Variants in TRPM3 observed in about 807,000 individuals in gnomAD.
The protein encoded by TRPM3 is long transient receptor potential channel 3.
Under a neutral mutation model 181.2 loss-of-function variants are expected in TRPM3, and 77 were observed. The observed-to-expected ratio is 0.42, with a 90% confidence interval of 0.35 to 0.51. The LOEUF is 0.51. TRPM3 is among the 20% of genes least tolerant of loss of function. TRPM3 has a pLI of 0.01. For synonymous variants in TRPM3, 745 were observed against 796.4 expected, an observed-to-expected ratio of 0.94 and a Z score of 1.09; for missense variants, 1,759 against 2,196.7, an observed-to-expected ratio of 0.80 and a Z score of 3.98.
chr9:70,562,853 C>G (rs2049477956), intron 22 of TRPM3, among the ~76,000 whole-genome samples: 1 of 152,124 alleles, frequency 6.6e-6, no homozygotes, highest in Non-Finnish European at 1.5e-5. Flanking sequence ...TATATCTAAA[C>G]TAGCCTATTG....
At chr9:70,857,439 C>A (rs577383975) in intron 3 of TRPM3, among the ~76,000 whole-genome samples, 1 of 152,128 alleles carries the variant, frequency 6.6e-6, no homozygotes, top group African/African-American at 2.4e-5. Flanking sequence ...TGTAAGTTTA[C>A]GAAGACCCCT....
At position 70,598,621 on chromosome 9, in the gene TRPM3, A is replaced by T. The variant is rs761976779; in HGVS notation, c.2846T>A (p.Leu949Gln). The T allele has an allele frequency of 6.2e-7, 1 of 1,614,226 alleles. No homozygotes were observed. The highest frequency in any genetic ancestry group is 1.7e-5 in the Admixed American group (1 of 60,030). ...GTCCGTGACATTCCAGTACTCCTGC[A>T]GCCATACCTTCACTTTCTGTAGCAA... Reference protein sequence around the residue: ...GKLLQKVKVWLQEYWNVTDLI... With the variant: ...GKLLQKVKVWQQEYWNVTDLI... The change falls in exon 21 of 26, where the codon CTG (leucine) becomes CAG (glutamine). Residue 949 changes from leucine to glutamine, a missense_variant. Around this residue, in one of 8 missense-constraint regions of TRPM3, gnomAD observed 100 missense variants for 123.0 expected, o/e 0.81. Coordinates refer to ENST00000677713, the MANE Select transcript of TRPM3 (RefSeq NM_001366145.2).
At chr9:71,157,083 C>G (rs2076042458) in intron 1 of TRPM3, among the ~76,000 whole-genome samples, 1 of 152,096 alleles carries the variant, frequency 6.6e-6, no homozygotes, top group Non-Finnish European at 1.5e-5. Context: ...AACGGCTTCC[C>G]TGACTGTAAT....
intron 1 of TRPM3, among the ~76,000 whole-genome samples, chr9:71,148,929 G>A (rs937447850): frequency 5.3e-5 from 8 of 152,102 alleles, no homozygotes; most frequent in Non-Finnish European, 1.0e-4. Context: ...GAAAGTGATG[G>A]TAGTGACTGT....
chr9:71,263,865 A>C (rs564194134), intron 1 of TRPM3, among the ~76,000 whole-genome samples: 3 of 152,236 alleles, frequency 2.0e-5, no homozygotes, highest in African/African-American at 7.2e-5. Context: ...CTGCAGCCTG[A>C]AACTCCCAGG....
intron 1 of TRPM3, among the ~76,000 whole-genome samples, chr9:71,141,546 A>G (rs2075099309): frequency 1.3e-5 from 2 of 152,068 alleles, no homozygotes; most frequent in African/African-American, 2.4e-5. Flanking sequence ...TCCTTTGTCT[A>G]TGTATTATTT....
intron 6 of TRPM3, among the ~76,000 whole-genome samples, chr9:70,793,036 T>C (rs2085913974): frequency 6.6e-6 from 1 of 152,208 alleles, no homozygotes; most frequent in South Asian, 2.1e-4. Context: ...CACAAAATAT[T>C]ATTCTTTTAT....
intron 1 of TRPM3, among the ~76,000 whole-genome samples, chr9:71,348,637 T>C (rs1429053884): frequency 6.6e-6 from 1 of 151,950 alleles, no homozygotes; most frequent in Non-Finnish European, 1.5e-5. Flanking sequence ...TGTCGCAATC[T>C]CCGCTCACTG....
chr9:70,589,886 A>G (rs1293320747), intron 22 of TRPM3, among the ~76,000 whole-genome samples: 2 of 151,922 alleles, frequency 1.3e-5, no homozygotes, highest in Non-Finnish European at 2.9e-5. Context: ...GAGGACTCAC[A>G]CTCTTTGCTG....
In TRPM3 at chr9:70,536,433, T is replaced by G. The variant is rs1300624571; in HGVS notation, c.4680A>C (p.Thr1560=). Residue 1560 remains threonine, a synonymous_variant, in exon 26 of 26, where the codon ACA becomes ACC. Coordinates refer to ENST00000677713, the MANE Select transcript of TRPM3 (RefSeq NM_001366145.2). ...PVKTAEYTSI[T]DCIDTRCVNA... is the part of the protein sequence containing the mutation. ...TGACACACCTTGTGTCAATACAGTC[T>G]GTAATACTTGTGTATTCTGCTGTTT... The G allele has an allele frequency of 2.5e-6, 4 of 1,614,116 alleles. No homozygotes were observed. The highest frequency in any genetic ancestry group is 3.4e-6 in the Non-Finnish European group (4 of 1,180,046).
chr9:71,317,758 A>C (rs1264347764), intron 1 of TRPM3, among the ~76,000 whole-genome samples: 2 of 152,316 alleles, frequency 1.3e-5, no homozygotes, highest in Middle Eastern at 3.4e-3. Context: ...TTACATTTTT[A>C]AACTACTATT....
intron 1 of TRPM3, among the ~76,000 whole-genome samples, chr9:70,985,176 A>G (rs569244998): frequency 6.6e-6 from 1 of 152,228 alleles, no homozygotes; most frequent in Non-Finnish European, 1.5e-5. Context: ...CCAATATTAC[A>G]CAGTCCTTAA....
intron 1 of TRPM3, among the ~76,000 whole-genome samples, chr9:71,294,440 A>G (rs944620198): frequency 6.6e-6 from 1 of 152,126 alleles, no homozygotes; most frequent in African/African-American, 2.4e-5. Flanking sequence ...CACCTGCCAG[A>G]CTGGCAAAAT....
Position 71,003,120 on chromosome 9 carries a change from A to G in TRPM3, c.177+118058T>C, listed in dbSNP as rs190832910. Among the ~76,000 whole-genome samples, 27 of 151,660 alleles carry G rather than the reference A, an allele frequency of 1.8e-4. 1 individual carries two copies. In the East Asian group the frequency reaches 5.2e-3, roughly 29 times the overall value. ...GGGTCTTCGTTTCAGGTAGTTTTGTACAATCTTACTTGTCTGATTGTTGCT... is the reference window on the plus strand; with the variant it reads ...GGGTCTTCGTTTCAGGTAGTTTTGTGCAATCTTACTTGTCTGATTGTTGCT... On this transcript the variant is annotated intron_variant, in intron 1 of 25. Transcript: ENST00000677713.
Position 70,625,569 on chromosome 9 carries a change from A to G in TRPM3, c.1633-52T>C. The stretch of plus-strand genomic sequence containing the variant: ...AGAAGATGCAGTAATCGTCGGCAAT[A>G]ATAGAAAATCAAAATATTTATTCAA... On this transcript the variant is annotated intron_variant, in intron 12 of 25. Coordinates refer to ENST00000677713, the MANE Select transcript of TRPM3 (RefSeq NM_001366145.2). The surrounding 1 kb of genome is among the most constrained non-coding windows in gnomAD (Gnocchi z 4.8). 4 of 1,559,534 alleles carry G rather than the reference A, an allele frequency of 2.6e-6. No homozygotes were observed. The highest frequency in any genetic ancestry group is 3.5e-6 in the Non-Finnish European group (4 of 1,143,680).
intron 1 of TRPM3, among the ~76,000 whole-genome samples, chr9:71,023,734 T>A (rs1458193453): frequency 6.6e-6 from 1 of 151,696 alleles, no homozygotes; most frequent in Non-Finnish European, 1.5e-5. Flanking sequence ...CTCAAAAGAT[T>A]ACATTCTGTA....
Position 70,618,945 on chromosome 9 carries a change from G to A in TRPM3, c.2280C>T (p.Ile760=), listed in dbSNP as rs144786870. The change falls in exon 17 of 26, where the codon ATC becomes ATT. Residue 760 remains isoleucine (I), a synonymous_variant. Transcript: ENST00000677713. Reference sequence around the variant, plus strand: ...GCAGCATCTGGCTGCACGTGTGCGCGATGAAGTCGCGGTGTTTGGCAGCCA... The same window carrying A: ...GCAGCATCTGGCTGCACGTGTGCGCAATGAAGTCGCGGTGTTTGGCAGCCA... The part of the protein sequence containing the change: ...LAVAAKHRDF[I]AHTCSQMLLT... 1.5e-3 allele frequency: 2,340 copies of A among 1,613,786 alleles called. 5 individuals carry two copies. Among genetic ancestry groups the A allele is most frequent in the South Asian group, 2.4e-3 (220 of 91,080 alleles).
At chr9:70,957,873 AG>A (rs2097095033) in intron 1 of TRPM3, among the ~76,000 whole-genome samples, 1 of 152,220 alleles carries the variant, frequency 6.6e-6, no homozygotes. Flanking sequence ...CCTTTGTAAA[AG>A]GATGTTATGT....
chr9:71,370,427 A>T (rs181870330), intron 1 of TRPM3, among the ~76,000 whole-genome samples: 125 of 152,308 alleles, frequency 8.2e-4, no homozygotes, highest in African/African-American at 2.9e-3. Flanking sequence ...ATAATAAGAA[A>T]GCAAAACAGC....
Sources: gnomAD v4.1 joint callset for allele counts (sites outside exome capture counted in the v4.1 genomes callset) on GRCh38, gnomAD v4.1.1 for gene constraint, gnomAD v4.1.1 regional missense constraint, Gnocchi (gnomAD v3.1) non-coding constraint, MANE v1.5 for transcripts, NCBI Gene and HGNC (gene_info 2026-07-23, HGNC 2026-07-21) for gene names.